Variants in SEZ6L observed in about 807,000 individuals in gnomAD.
SEZ6L encodes the protein seizure related 6 homolog like.
Under a neutral mutation model 106.2 loss-of-function variants are expected in SEZ6L, and 37 were observed. That is an observed-to-expected ratio of 0.35 (90% CI 0.27 to 0.46). The LOEUF (loss-of-function observed/expected upper bound fraction) is 0.46, where lower values mean the gene tolerates loss of function less well. SEZ6L is among the 20% of genes least tolerant of loss of function. The pLI is 1.00. For missense variants in SEZ6L, 1,172 were observed against 1,332.8 expected, an observed-to-expected ratio of 0.88 and a Z score of 1.88; for synonymous variants, 541 against 570.4, an observed-to-expected ratio of 0.95 and a Z score of 0.73.
chr22:26,312,025 G>A (rs1217426130), intron 8 of SEZ6L, 63 bp downstream of exon 8: 11 of 1,508,990 alleles, frequency 7.3e-6, no homozygotes, highest in Admixed American at 7.1e-5. Flanking sequence ...TGGATGAGAA[G>A]ACCAAGGCCC....
chr22:26,369,586 C>T lies in SEZ6L; in HGVS notation c.2795-3865C>T, dbSNP rs538192645. 1.7e-3 allele frequency among the ~76,000 whole-genome samples: 258 copies of T among 151,744 alleles called. 1 individual carries two copies. The East Asian group carries it at 0.021, about 12-fold the overall frequency. On this transcript the variant is annotated intron_variant, in intron 13 of 16. Transcript: ENST00000248933. ...CGATCTCCTGACCTCGTGATTCGCC[C>T]ACCTCTGCCTCCCAAAGTGCTGGGA...
chr22:26,353,567 G>A (rs1290991215), intron 12 of SEZ6L, among the ~76,000 whole-genome samples: 4 of 152,174 alleles, frequency 2.6e-5, no homozygotes, highest in African/African-American at 9.7e-5. Context: ...AGAACCTTGG[G>A]CCAAATCCAC....
intron 1 of SEZ6L, among the ~76,000 whole-genome samples, chr22:26,281,582 G>A (rs1209766123): frequency 1.3e-5 from 2 of 151,972 alleles, no homozygotes; most frequent in Non-Finnish European, 2.9e-5. Flanking sequence ...GTTTCACCGT[G>A]TTAGCCAGGA....
At chr22:26,265,643 C>G (rs2080152488) in intron 1 of SEZ6L, among the ~76,000 whole-genome samples, 1 of 152,170 alleles carries the variant, frequency 6.6e-6, no homozygotes, top group African/African-American at 2.4e-5. Context: ...TAGAGCTAAC[C>G]TGGTTTATTA....
chr22:26,187,104 A>G (rs1939834424), intron 1 of SEZ6L, among the ~76,000 whole-genome samples: 5 of 152,228 alleles, frequency 3.3e-5, no homozygotes, highest in Admixed American at 3.3e-4. Context: ...ATGAAGAACT[A>G]CCTGAGACTG....
intron 5 of SEZ6L, among the ~76,000 whole-genome samples, chr22:26,304,412 GAAA>G (rs2081567733): frequency 7.1e-6 from 1 of 141,564 alleles, no homozygotes; most frequent in Non-Finnish European, 1.6e-5. Context: ...AAGAAAGAAA[GAAA>G]GAAAGAAAGA....
At chr22:26,243,473 C>T (rs2079208538) in intron 1 of SEZ6L, among the ~76,000 whole-genome samples, 1 of 152,192 alleles carries the variant, frequency 6.6e-6, no homozygotes, top group African/African-American at 2.4e-5. Context: ...AGAGCATGTG[C>T]AAAGGCCCTG....
intron 1 of SEZ6L, among the ~76,000 whole-genome samples, chr22:26,255,140 T>C (rs949538134): frequency 1.3e-5 from 2 of 152,188 alleles, no homozygotes; most frequent in Admixed American, 6.5e-5. Flanking sequence ...ATTTGTTACA[T>C]GCAATTTGAT....
chr22:26,375,452 A>T, intron 14 of SEZ6L, 123 bp from the exon 15 acceptor site: 1 of 745,432 alleles, frequency 1.3e-6, no homozygotes, highest in Admixed American at 2.1e-5. Context: ...GCAAGGTCTA[A>T]GGCCCTCCCA....
At chr22:26,364,341 C>T (rs2083733394) in intron 12 of SEZ6L, among the ~76,000 whole-genome samples, 1 of 151,310 alleles carries the variant, frequency 6.6e-6, no homozygotes, top group African/African-American at 2.4e-5. Context: ...ATCCTAACAC[C>T]TTGGGAGGCT....
chr22:26,241,531 T>C (rs2145770813), intron 1 of SEZ6L: 1 of 152,288 alleles, frequency 6.6e-6, no homozygotes, highest in Middle Eastern at 3.4e-3. Flanking sequence ...AAACAGCCAC[T>C]GAAAATGTAT....
intron 12 of SEZ6L, among the ~76,000 whole-genome samples, chr22:26,360,582 C>T (rs1209068708): frequency 1.3e-5 from 2 of 152,134 alleles, no homozygotes; most frequent in Non-Finnish European, 2.9e-5. Context: ...TCGCCACTGC[C>T]ACCTGCTGGT....
intron 1 of SEZ6L, among the ~76,000 whole-genome samples, chr22:26,185,766 TTCCATTTTACAG>T (rs1490670743): frequency 1.3e-5 from 2 of 152,094 alleles, no homozygotes; most frequent in Admixed American, 1.3e-4. Flanking sequence ...GGCCTGATAC[TTCCATTTTACAG>T]CAGGAACCAC....
At chr22:26,181,775 G>C (rs1345798512) in intron 1 of SEZ6L, among the ~76,000 whole-genome samples, 1 of 152,102 alleles carries the variant, frequency 6.6e-6, no homozygotes, top group African/African-American at 2.4e-5. Context: ...TAATTATACA[G>C]TATATGTAAT....
chr22:26,310,620 G>A (rs765118709), intron 6 of SEZ6L, 50 bp from the exon 7 acceptor site: 109 of 1,599,836 alleles, frequency 6.8e-5, no homozygotes, highest in Non-Finnish European at 9.2e-5. Context: ...TGCCATGTCA[G>A]TGACCCAGGA....
At chr22:26,202,477 G>A (rs906280558) in intron 1 of SEZ6L, among the ~76,000 whole-genome samples, 2 of 152,206 alleles carry the variant, frequency 1.3e-5, no homozygotes, top group South Asian at 2.1e-4. Context: ...TCTATGGAAT[G>A]TTCCTAACCC....
intron 1 of SEZ6L, chr22:26,244,528 T>C (rs1012835664): frequency 9.9e-5 from 15 of 152,222 alleles, no homozygotes; most frequent in Non-Finnish European, 1.2e-4. Flanking sequence ...TTAAATAGTG[T>C]ATCTAGGAAG....
At chr22:26,304,428 G>GAAAGAA (rs1425110378) in intron 5 of SEZ6L, among the ~76,000 whole-genome samples, 1 of 142,220 alleles carries the variant, frequency 7.0e-6, no homozygotes, top group Non-Finnish European at 1.5e-5. Context: ...AAGAAAGAAA[G>GAAAGAA]AAAAAGAAAG....
chr22:26,292,393 C>A lies in SEZ6L; in HGVS notation c.95-13C>A. 6.3e-7 allele frequency: 1 copy of A among 1,599,044 alleles called. No individual in the cohort carries two copies. Among genetic ancestry groups the A allele is most frequent in the South Asian group, 1.1e-5 (1 of 89,252 alleles). ...CTCCCCAAACTAACTGGTGTCTTTT[C>A]TCCTCTTCCAAGATGCTCTTCCCGA... On this transcript the variant is annotated splice_polypyrimidine_tract_variant and intron_variant, in intron 1 of 16. Transcript: ENST00000248933.
Sources: allele counts gnomAD v4.1 joint callset (sites outside exome capture counted in the v4.1 genomes callset), GRCh38; gene constraint gnomAD v4.1.1; transcripts MANE v1.5; gene names NCBI Gene and HGNC (gene_info 2026-07-23, HGNC 2026-07-21).